The following DENND6B variants were observed in gnomAD, a reference collection of about 807,000 sequenced individuals.
DENND6B encodes protein DENND6B.
A neutral mutation model predicts 85.1 loss-of-function variants in DENND6B; 73 were observed. That is an observed-to-expected ratio of 0.86 (90% CI 0.71 to 1.04). The LOEUF is 1.04. Among genes scored for constraint, DENND6B ranks in the 50% least tolerant of loss-of-function variants. DENND6B has a pLI of 0.00. For missense variants in DENND6B, 715 were observed against 785.8 expected, an observed-to-expected ratio of 0.91 and a Z score of 1.08; for synonymous variants, 357 against 329.3, an observed-to-expected ratio of 1.08 and a Z score of -0.91.
At chr22:50,312,670 A>G (rs1157147594) in intron 17 of DENND6B, 45 bp from the exon 18 acceptor site, 3 of 1,447,840 alleles carry the variant, frequency 2.1e-6, no homozygotes, top group Admixed American at 2.0e-5. Flanking sequence ...GACCCTGGGG[A>G]TTGACAGGCG....
chr22:50,312,179 G>A lies in DENND6B; in HGVS notation c.1718C>T (p.Ser573Phe), dbSNP rs368341514. The A allele has an allele frequency of 6.8e-6, 11 of 1,612,426 alleles. No individual in the cohort carries two copies. Among genetic ancestry groups the A allele is most frequent in the Non-Finnish European group, 9.3e-6 (11 of 1,179,770 alleles). ...GACAGCCTGCAGGTCTTTGGGCAGG[G>A]AGCCGATGACCGTCTCGATGTACAG... is the stretch of plus-strand genomic sequence containing the variant. ...AQLYIETVIG[S>F]LPKDLQAVLC... The change falls in exon 20 of 20, where the codon TCC becomes TTC. Residue 573 changes from serine to phenylalanine, a missense_variant. By Grantham distance (155) the Ser-to-Phe change is radical. Coordinates refer to ENST00000413817, the MANE Select transcript of DENND6B (RefSeq NM_001001794.4).
intron 1 of DENND6B, among the ~76,000 whole-genome samples, chr22:50,323,020 CTTTTTTT>C (rs386395718): frequency 3.8e-4 from 15 of 39,030 alleles, no homozygotes; most frequent in East Asian, 9.7e-4. Flanking sequence ...CCGGCTAATG[CTTTTTTT>C]TTTTTTTTTT....
In DENND6B at chr22:50,315,722, G is replaced by A. The variant is rs367654499; in HGVS notation, c.750C>T (p.Asp250=). Residue 250 remains aspartate, a synonymous_variant, in exon 9 of 20, where the codon GAC becomes GAT. Coordinates refer to ENST00000413817, the MANE Select transcript of DENND6B (RefSeq NM_001001794.4). ...PVVLASVHEL[D]LFRCFRPVLT... Reference sequence around the variant, plus strand: ...AACCCTAGGGGGCTCACCTGAACAGGTCCAGCTCGTGGACGCTAGCAAGAA... The same window carrying A: ...AACCCTAGGGGGCTCACCTGAACAGATCCAGCTCGTGGACGCTAGCAAGAA... 1.3e-6 allele frequency: 2 copies of A among 1,562,730 alleles called. No individual in the cohort carries two copies. The highest frequency in any genetic ancestry group is 1.7e-6 in the Non-Finnish European group (2 of 1,155,540).
Position 50,311,847 on chromosome 22 carries a change from C to A in DENND6B, c.*292G>T. The A allele has an allele frequency of 2.2e-6, 1 of 448,726 alleles. No individual in the cohort carries two copies. Among genetic ancestry groups the A allele is most frequent in the Non-Finnish European group, 4.0e-6 (1 of 248,754 alleles). The allele number at this position is 448,726 out of a possible 1,614,324, so 27.8% of individuals were successfully genotyped here. A position where few individuals can be genotyped will look rare whatever the true frequency, so the allele number is the denominator to read the frequency against. ...CAGACGGTAGACGCACCCACATCAG[C>A]AAGGGCTCCCAGCCTGTCCCCGCCC... is the stretch of plus-strand genomic sequence containing the variant. On this transcript the variant is annotated 3_prime_UTR_variant, in exon 20 of 20. Transcript: ENST00000413817.
In DENND6B at chr22:50,317,949, C is replaced by T. The variant is rs376619358; in HGVS notation, c.331G>A (p.Asp111Asn). 191 of 1,611,592 alleles carry T rather than the reference C, an allele frequency of 1.2e-4. No homozygotes were observed. The highest frequency in any genetic ancestry group is 1.7e-4 in the Admixed American group (10 of 59,998). Reference sequence around the variant, plus strand: ...GCCCTGCTGTTGTAGTGCCTGTCGTCGGCATGCCAGGGGCTCCTCTGCCCT... The same window carrying T: ...GCCCTGCTGTTGTAGTGCCTGTCGTTGGCATGCCAGGGGCTCCTCTGCCCT... ...CGGQRSPWHA[D>N]DRHYNSRAPV... The change falls in exon 4 of 20, where the codon GAC (aspartate) becomes AAC (asparagine). Residue 111 changes from aspartate (D) to asparagine (N), a missense_variant. Physicochemically the swap from Asp to Asn is conservative, Grantham distance 23. Transcript: ENST00000413817.
chr22:50,318,926 T>A (rs1375586671), intron 2 of DENND6B, 37 bp from the exon 3 acceptor site: 5 of 1,610,568 alleles, frequency 3.1e-6, no homozygotes, highest in Middle Eastern at 1.7e-4. Flanking sequence ...GCCGACCCAC[T>A]CCTGGGTCCT....
At chr22:50,321,127 G>C (rs779055341) in intron 1 of DENND6B, among the ~76,000 whole-genome samples, 2 of 152,186 alleles carry the variant, frequency 1.3e-5, no homozygotes, top group Non-Finnish European at 2.9e-5. Context: ...GAGGAAGACT[G>C]GGGGTGGGAG....
intron 3 of DENND6B, 130 bp downstream of exon 3, chr22:50,318,717 G>A: frequency 7.5e-7 from 1 of 1,333,914 alleles, no homozygotes; most frequent in Non-Finnish European, 1.0e-6. Flanking sequence ...TGGGCATGGG[G>A]CTGGTGCTGC....
chr22:50,316,726 C>T (rs776278086), intron 5 of DENND6B: 48 of 1,427,858 alleles, frequency 3.4e-5, no homozygotes, highest in Non-Finnish European at 3.9e-5. Flanking sequence ...CGGAGGGAAA[C>T]GCACGGTGGC....
intron 3 of DENND6B, 54 bp downstream of exon 3, chr22:50,318,793 C>A: frequency 6.2e-7 from 1 of 1,604,752 alleles, no homozygotes; most frequent in Non-Finnish European, 8.5e-7. Flanking sequence ...GCCCAGGCTA[C>A]AGGGATGCCC....
chr22:50,313,800 C>T lies in DENND6B; in HGVS notation c.1203+14G>A, dbSNP rs775528290. The T allele has an allele frequency of 1.9e-6, 3 of 1,611,740 alleles. No individual in the cohort carries two copies. Among genetic ancestry groups the T allele is most frequent in the East Asian group, 2.2e-5 (1 of 44,870 alleles). ...CTCCCTGCGTCCCCAGCCCCTGCCC[C>T]ACAAACCATATACCTTGAGCAGCCG... is the stretch of plus-strand genomic sequence containing the variant. On this transcript the variant is annotated intron_variant, in intron 14 of 19. Coordinates refer to ENST00000413817, the MANE Select transcript of DENND6B (RefSeq NM_001001794.4).
intron 1 of DENND6B, among the ~76,000 whole-genome samples, chr22:50,323,281 CT>C (rs571677497): frequency 0.35 from 44,176 of 125,930 alleles, 7,468 homozygotes; most frequent in South Asian, 0.57. Context: ...ATGCCTGGCT[CT>C]TTTTTTTTTT....
At chr22:50,320,167 G>A (rs561879852) in intron 1 of DENND6B, among the ~76,000 whole-genome samples, 11 of 152,334 alleles carry the variant, frequency 7.2e-5, no homozygotes, top group African/African-American at 2.6e-4. Flanking sequence ...CTTCTTCCAA[G>A]GTGTGCCCTG....
intron 1 of DENND6B, among the ~76,000 whole-genome samples, chr22:50,324,596 G>A (rs1265156245): frequency 6.6e-6 from 1 of 152,104 alleles, no homozygotes; most frequent in Non-Finnish European, 1.5e-5. Flanking sequence ...GGCTAATTTT[G>A]TATTTTTAGT....
intron 3 of DENND6B, 56 bp from the exon 4 acceptor site, chr22:50,318,076 C>T (rs915655035): frequency 2.6e-5 from 41 of 1,574,090 alleles, no homozygotes; most frequent in Non-Finnish European, 3.4e-5. Flanking sequence ...TTCTGCAGGC[C>T]CTGGAGCTGG....
At chr22:50,314,958 G>A (rs2041754635) in intron 9 of DENND6B, 37 bp from the exon 10 acceptor site, 1 of 1,600,340 alleles carries the variant, frequency 6.2e-7, no homozygotes. Flanking sequence ...GGTCAGGCAG[G>A]GGCTGAGACT....
intron 1 of DENND6B, 125 bp downstream of exon 1, chr22:50,326,687 T>A (rs920914810): frequency 2.4e-5 from 21 of 871,548 alleles, no homozygotes; most frequent in Non-Finnish European, 3.0e-6. Flanking sequence ...AAGAGGCCCC[T>A]CCAGGAGGCG....
intron 5 of DENND6B, 34 bp from the exon 6 acceptor site, chr22:50,316,509 G>T: frequency 6.4e-7 from 1 of 1,553,094 alleles, no homozygotes; most frequent in Non-Finnish European, 8.7e-7. Context: ...GAGGCCCAGT[G>T]CCAGGCCTCA....
rs566229222 is a variant in DENND6B, at chr22:50,312,680, G to A, written c.1458-55C>T. 2.0e-5 allele frequency: 25 copies of A among 1,224,962 alleles called. No individual in the cohort carries two copies. The African/African-American group carries it at 3.6e-4, about 18-fold the overall frequency. 75.9% of individuals were successfully genotyped at this position (1,224,962 alleles called of 1,614,324 possible). A position where few individuals can be genotyped will look rare whatever the true frequency, so the allele number is the denominator to read the frequency against. On this transcript the variant is annotated intron_variant, in intron 17 of 19. Coordinates refer to ENST00000413817, the MANE Select transcript of DENND6B (RefSeq NM_001001794.4). Reference sequence around the variant, plus strand: ...GGGCTGACCCTGGGGATTGACAGGCGGGGGCCATGGGGCTGACCCTGGGGA... The same window carrying A: ...GGGCTGACCCTGGGGATTGACAGGCAGGGGCCATGGGGCTGACCCTGGGGA...
Sources: allele counts gnomAD v4.1 joint callset (sites outside exome capture counted in the v4.1 genomes callset), GRCh38; gene constraint gnomAD v4.1.1; transcripts MANE v1.5; gene names NCBI Gene and HGNC (gene_info 2026-07-23, HGNC 2026-07-21).